The following SULT1B1 variants were observed in gnomAD, a reference collection of about 807,000 sequenced individuals.
SULT1B1 encodes sulfotransferase family 1B member 1.
Under a neutral mutation model 34.6 loss-of-function variants are expected in SULT1B1, and 28 were observed. The observed-to-expected ratio is 0.81, with a 90% CI of 0.60 to 1.11. The LOEUF (loss-of-function observed/expected upper bound fraction) is 1.11, where lower values mean the gene tolerates loss of function less well. SULT1B1 is among the 50% of genes least tolerant of loss of function. The pLI is 0.00. For missense variants in SULT1B1, 374 were observed against 352.2 expected (o/e 1.06, Z -0.50); for synonymous variants, 147 against 110.2 (o/e 1.33, Z -2.09).
intron 1 of SULT1B1, among the ~76,000 whole-genome samples, chr4:69,755,696 G>A (rs1376767298): frequency 5.9e-5 from 9 of 151,944 alleles, no homozygotes; most frequent in Non-Finnish European, 1.3e-4. Flanking sequence ...TGCTTCTAAG[G>A]TTTCTTTCTT....
At chr4:69,729,658 T>C (rs1717985515) in intron 7 of SULT1B1, among the ~76,000 whole-genome samples, 2 of 152,118 alleles carry the variant, frequency 1.3e-5, no homozygotes, top group African/African-American at 4.8e-5. Context: ...AAAAAATTAA[T>C]CATATTACTC....
At chr4:69,757,000 A>G (rs1560532922) in intron 1 of SULT1B1, among the ~76,000 whole-genome samples, 1 of 148,946 alleles carries the variant, frequency 6.7e-6, no homozygotes, top group African/African-American at 2.5e-5. Flanking sequence ...CACACACACA[A>G]AGTAATTTTT....
At chr4:69,737,442 T>TAGTAGC (rs1285917933) in intron 4 of SULT1B1, among the ~76,000 whole-genome samples, 2 of 152,120 alleles carry the variant, frequency 1.3e-5, no homozygotes, top group Non-Finnish European at 2.9e-5. Flanking sequence ...GAAGTAAACA[T>TAGTAGC]AGTAGCTAAT....
intron 3 of SULT1B1, among the ~76,000 whole-genome samples, chr4:69,753,828 T>A (rs769092737): frequency 2.2e-4 from 34 of 152,194 alleles, no homozygotes; most frequent in Non-Finnish European, 3.4e-4. Context: ...ATCACCAAGT[T>A]TTGGCCAATC....
At chr4:69,754,011 T>G (rs1301992485) in intron 3 of SULT1B1, among the ~76,000 whole-genome samples, 1 of 152,194 alleles carries the variant, frequency 6.6e-6, no homozygotes, top group African/African-American at 2.4e-5. Context: ...GGCTGCCTGA[T>G]TTGTGAATTG....
At chr4:69,755,882 A>ATC (rs1414645601) in intron 1 of SULT1B1, among the ~76,000 whole-genome samples, 7 of 151,832 alleles carry the variant, frequency 4.6e-5, no homozygotes, top group Non-Finnish European at 8.8e-5. Context: ...TATTTTTTCC[A>ATC]TCTCTCTCTC....
rs113572866 is a variant in SULT1B1, at chr4:69,734,359, C to A, written c.376-95G>T. ...TATACGCATGTAAAAAAGCAGAGTA[C>A]TTTTTCAAATAGAAATTGTGGGCCA... On this transcript the variant is annotated intron_variant, in intron 4 of 7. Transcript: ENST00000310613. 1.5e-3 allele frequency: 2,035 copies of A among 1,377,766 alleles called. 8 individuals are homozygous for A. The highest frequency in any genetic ancestry group is 0.014 in the Middle Eastern group (75 of 5,368). The allele number at this position is 1,377,766 out of a possible 1,614,324, so 85.3% of individuals were successfully genotyped here. A position where few individuals can be genotyped will look rare whatever the true frequency, so the allele number is the denominator to read the frequency against.
chr4:69,759,082 C>A (rs1282236535), intron 1 of SULT1B1, among the ~76,000 whole-genome samples: 1 of 152,168 alleles, frequency 6.6e-6, no homozygotes, highest in African/African-American at 2.4e-5. Flanking sequence ...ATGATTTAAT[C>A]AAAATGAATT....
At chr4:69,739,233 G>T (rs750831568) in intron 4 of SULT1B1, among the ~76,000 whole-genome samples, 3 of 152,170 alleles carry the variant, frequency 2.0e-5, no homozygotes, top group Non-Finnish European at 4.4e-5. Flanking sequence ...CTGTGTGGGG[G>T]CTCCAATCCC....
rs1717665602 is a variant in SULT1B1 at position 69,721,371 on chromosome 4, C to G, written c.*5717G>C. 6.6e-6 allele frequency: 1 copy of G among 152,108 alleles called. No homozygotes were observed. The highest frequency in any genetic ancestry group is 1.5e-5 in the Non-Finnish European group (1 of 67,996). 9.4% of individuals were successfully genotyped at this position (152,108 alleles called of 1,614,324 possible). Reference sequence around the variant, plus strand: ...GGGTCATTGATAACCACCAGTATCTCTCTTTTTCCCCGGCCTTTCCCAGTT... The same window carrying G: ...GGGTCATTGATAACCACCAGTATCTGTCTTTTTCCCCGGCCTTTCCCAGTT... On this transcript the variant is annotated 3_prime_UTR_variant, in exon 8 of 8. Transcript: ENST00000310613.
At chr4:69,740,176 T>C (rs534209921) in intron 4 of SULT1B1, among the ~76,000 whole-genome samples, 3 of 152,334 alleles carry the variant, frequency 2.0e-5, no homozygotes, top group Admixed American at 6.5e-5. Flanking sequence ...GTATGTTTAA[T>C]AGTAGTGCCC....
Position 69,726,922 on chromosome 4 carries a change from G to A in SULT1B1, c.*166C>T. ...AGAATTTGGAAACTCAGAATCAAAG[G>A]AACAAAACTGGGATCTGATTAATAA... is the stretch of plus-strand genomic sequence containing the variant. On this transcript the variant is annotated 3_prime_UTR_variant, in exon 8 of 8. Transcript: ENST00000310613. 2 of 483,568 alleles carry A rather than the reference G, an allele frequency of 4.1e-6. No homozygotes were observed. The highest frequency in any genetic ancestry group is 8.4e-5 in the Admixed American group (2 of 23,824). 30.0% of individuals were successfully genotyped at this position (483,568 alleles called of 1,614,324 possible).
In SULT1B1 at chr4:69,730,569, G is replaced by A. The variant is rs746351299; in HGVS notation, c.710C>T (p.Pro237Leu). The A allele has an allele frequency of 6.2e-7, 1 of 1,613,178 alleles. No individual in the cohort carries two copies. The highest frequency in any genetic ancestry group is 8.5e-7 in the Non-Finnish European group (1 of 1,179,492). ...TGGTAGATGTGTATAATTTACCAAAGGATTGTCCTTCATCACTTCAAATGA... is the reference window on the plus strand; with the variant it reads ...TGGTAGATGTGTATAATTTACCAAAAGATTGTCCTTCATCACTTCAAATGA... ...HTSFEVMKDN[P>L]LVNYTHLPTT... Residue 237 changes from proline to leucine, a missense_variant, in exon 7 of 8, where the codon CCT (proline) becomes CTT (leucine). Transcript: ENST00000310613.
At chr4:69,734,904 C>T (rs1252890392) in intron 4 of SULT1B1, among the ~76,000 whole-genome samples, 7 of 150,352 alleles carry the variant, frequency 4.7e-5, no homozygotes, top group South Asian at 2.1e-4. Context: ...CTGCAAGCTC[C>T]GCCTCCCAGG....
rs1388875662 is a variant in SULT1B1, at chr4:69,723,379, A to T, written c.*3709T>A. ...AACATGCTCTGAAATAGAGGCAATA[A>T]TTAATAGCTTACCAACCAAAAGAAG... On this transcript the variant is annotated 3_prime_UTR_variant, in exon 8 of 8. Coordinates refer to ENST00000310613, the MANE Select transcript of SULT1B1 (RefSeq NM_014465.4). 4.6e-5 allele frequency: 7 copies of T among 152,232 alleles called. No individual in the cohort carries two copies. The allele number at this position is 152,232 out of a possible 1,614,324, so 9.4% of individuals were successfully genotyped here.
chr4:69,733,153 G>C (rs1718150365), intron 6 of SULT1B1, among the ~76,000 whole-genome samples: 1 of 151,990 alleles, frequency 6.6e-6, no homozygotes, highest in African/African-American at 2.4e-5. Flanking sequence ...GTGATATCCT[G>C]GTAAATATAG....
rs1717747480 is a variant in SULT1B1 at position 69,724,528 on chromosome 4, G to A, written c.*2560C>T. Reference sequence around the variant, plus strand: ...CAGAATTGGAAAAAACTACTTTAAAGTTCATAAGAAACCAAAAAAGAGCCC... The same window carrying A: ...CAGAATTGGAAAAAACTACTTTAAAATTCATAAGAAACCAAAAAAGAGCCC... On this transcript the variant is annotated 3_prime_UTR_variant, in exon 8 of 8. Coordinates refer to ENST00000310613, the MANE Select transcript of SULT1B1 (RefSeq NM_014465.4). The A allele has an allele frequency of 6.6e-6, 1 of 152,018 alleles. No homozygotes were observed. The highest frequency in any genetic ancestry group is 6.6e-5 in the Admixed American group (1 of 15,246). The allele number at this position is 152,018 out of a possible 1,614,324, so 9.4% of individuals were successfully genotyped here. A position where few individuals can be genotyped will look rare whatever the true frequency, so the allele number is the denominator to read the frequency against.
At chr4:69,734,110 TATC>T in intron 5 of SULT1B1, 25 bp downstream of exon 5, 1 of 1,516,316 alleles carries the variant, frequency 6.6e-7, no homozygotes, top group South Asian at 1.3e-5. Context: ...AAAAAATACT[TATC>T]AATTTTAAGA....
rs1425985163 is a variant in SULT1B1 at position 69,724,818 on chromosome 4, A to G, written c.*2270T>C. ...GGTGCTGGGAAAACTGGCTAGCCAT[A>G]TGTAGAAAGCAGAACCTGGATCCCT... On this transcript the variant is annotated 3_prime_UTR_variant, in exon 8 of 8. Transcript: ENST00000310613. 1 of 152,238 alleles carries G rather than the reference A, an allele frequency of 6.6e-6. No homozygotes were observed. Among genetic ancestry groups the G allele is most frequent in the East Asian group, 1.9e-4 (1 of 5,192 alleles). 9.4% of individuals were successfully genotyped at this position (152,238 alleles called of 1,614,324 possible).
Sources: allele counts gnomAD v4.1 joint callset (sites outside exome capture counted in the v4.1 genomes callset), GRCh38; gene constraint gnomAD v4.1.1; transcripts MANE v1.5; gene names NCBI Gene and HGNC (gene_info 2026-07-23, HGNC 2026-07-21).